The following ACSM4 variants were observed in gnomAD, a reference collection of about 807,000 sequenced individuals.
ACSM4 encodes acyl-CoA synthetase medium chain family member 4.
In ACSM4, 66 loss-of-function variants were observed where a neutral mutation model predicts 73.0. That is an observed-to-expected ratio of 0.90 (90% CI 0.74 to 1.11). The LOEUF (loss-of-function observed/expected upper bound fraction) is 1.11, where lower values mean the gene tolerates loss of function less well. Ranked by LOEUF, ACSM4 falls within the 50% of genes least tolerant of loss-of-function variation. The pLI is 0.00. For missense variants in ACSM4, 645 were observed against 714.4 expected, an observed-to-expected ratio of 0.90 and a Z score of 1.11; for synonymous variants, 222 against 254.0, an observed-to-expected ratio of 0.87 and a Z score of 1.20.
Position 7,323,230 on chromosome 12 carries a change from A to G in ACSM4, c.1126-4A>G. 4 of 1,604,974 alleles carry G rather than the reference A, an allele frequency of 2.5e-6. No individual in the cohort carries two copies. Among genetic ancestry groups the G allele is most frequent in the Non-Finnish European group, 3.4e-6 (4 of 1,175,536 alleles). On this transcript the variant is annotated splice_region_variant and splice_polypyrimidine_tract_variant and intron_variant, in intron 7 of 12. Coordinates refer to ENST00000399422, the MANE Select transcript of ACSM4 (RefSeq NM_001080454.2). ...TACTTATACAAAGCTTGTCCTCTCA[A>G]TAGGGAATGATTTGTGCCAATCAGA... is the stretch of plus-strand genomic sequence containing the variant.
chr12:7,322,470 C>A lies in ACSM4; in HGVS notation c.1054C>A (p.Pro352Thr), dbSNP rs1483427558. The change falls in exon 7 of 13, where the codon CCA becomes ACA. Residue 352 changes from proline (P) to threonine (T), a missense_variant. Physicochemically the swap from Pro to Thr is conservative, Grantham distance 38 (BLOSUM62 -1). Coordinates refer to ENST00000399422, the MANE Select transcript of ACSM4 (RefSeq NM_001080454.2). Reference protein sequence around the residue: ...HCLTGGEPLNPEVLEQWRVQT... With the variant: ...HCLTGGEPLNTEVLEQWRVQT... The stretch of plus-strand genomic sequence containing the variant: ...CTTGACCGGAGGGGAGCCACTCAAC[C>A]CAGAAGTGCTGGAGCAGTGGAGGGT... 4 of 1,613,764 alleles carry A rather than the reference C, an allele frequency of 2.5e-6. No individual in the cohort carries two copies. The highest frequency in any genetic ancestry group is 3.4e-6 in the Non-Finnish European group (4 of 1,179,854).
At chr12:7,320,668 C>G in intron 5 of ACSM4, 57 bp from the exon 6 acceptor site, 8 of 1,413,000 alleles carry the variant, frequency 5.7e-6, no homozygotes, top group Admixed American at 1.8e-5. Context: ...GATATCAGCT[C>G]TAGTCATGGC....
At chr12:7,311,680 T>TTTG (rs1000182068) in intron 3 of ACSM4, among the ~76,000 whole-genome samples, 9 of 152,080 alleles carry the variant, frequency 5.9e-5, no homozygotes, top group East Asian at 3.9e-4. Flanking sequence ...TGCCACCTTT[T>TTTG]TTGTTGTTGT....
intron 2 of ACSM4, among the ~76,000 whole-genome samples, chr12:7,309,074 C>T (rs911544771): frequency 6.6e-6 from 1 of 152,180 alleles, no homozygotes; most frequent in Admixed American, 6.5e-5. Flanking sequence ...CTTCTTGTTC[C>T]CAATAATTCA....
chr12:7,308,710 A>G (rs1565751811), intron 2 of ACSM4, among the ~76,000 whole-genome samples: 1 of 152,206 alleles, frequency 6.6e-6, no homozygotes, highest in Non-Finnish European at 1.5e-5. Flanking sequence ...TTTCTTAATC[A>G]ACTTCCTTAT....
rs756640928 is a variant in ACSM4, at chr12:7,324,594, G to C, written c.1532G>C (p.Gly511Ala). 1 of 1,613,838 alleles carries C rather than the reference G, an allele frequency of 6.2e-7. No individual in the cohort carries two copies. The highest frequency in any genetic ancestry group is 8.5e-7 in the Non-Finnish European group (1 of 1,179,778). Residue 511 changes from glycine (G) to alanine (A), a missense_variant, in exon 11 of 13, where the codon GGA becomes GCA. Transcript: ENST00000399422. ...AVVSSPDQIR[G>A]EVVKAFVVLA... is the part of the protein sequence containing the mutation. ...GTCAGTAGTCCAGATCAAATCCGCG[G>C]AGAGGTAGATGAATGTCATTTATTA... is the stretch of plus-strand genomic sequence containing the variant.
chr12:7,304,188 C>T lies in ACSM4; in HGVS notation c.-144C>T, dbSNP rs776893267. 2 of 847,248 alleles carry T rather than the reference C, an allele frequency of 2.4e-6. No individual in the cohort carries two copies. The highest frequency in any genetic ancestry group is 2.5e-5 in the East Asian group (1 of 40,390). The allele number at this position is 847,248 out of a possible 1,614,324, so 52.5% of individuals were successfully genotyped here. A position where few individuals can be genotyped will look rare whatever the true frequency, so the allele number is the denominator to read the frequency against. On this transcript the variant is annotated 5_prime_UTR_variant, in exon 1 of 13. Coordinates refer to ENST00000399422, the MANE Select transcript of ACSM4 (RefSeq NM_001080454.2). ...AGGATGAGGTGTTTTTCAGGTGTTC[C>T]CCAACTTGCCAGGGACACACAGCCA... is the stretch of plus-strand genomic sequence containing the variant.
At chr12:7,320,662 T>C in intron 5 of ACSM4, 63 bp from the exon 6 acceptor site, 1 of 1,366,452 alleles carries the variant, frequency 7.3e-7, no homozygotes, top group Non-Finnish European at 1.0e-6. Context: ...GGTGTAGATA[T>C]CAGCTCTAGT....
At position 7,324,336 on chromosome 12, in the gene ACSM4, G is replaced by A. The variant is rs1354159313; in HGVS notation, c.1372G>A (p.Val458Met). 2 of 1,614,046 alleles carry A rather than the reference G, an allele frequency of 1.2e-6. No individual in the cohort carries two copies. The highest frequency in any genetic ancestry group is 1.7e-6 in the Non-Finnish European group (2 of 1,179,944). The change falls in exon 10 of 13, where the codon GTG becomes ATG. Residue 458 changes from valine (V) to methionine (M), a missense_variant. Physicochemically the swap from Val to Met is conservative, Grantham distance 21. Transcript: ENST00000399422. ...GDFYVTGDRG[V>M]MDSDGYFWFV... is the part of the protein sequence containing the mutation. ...TTTTTATGTCACTGGAGACAGAGGA[G>A]TGATGGACAGTGATGGGTATTTCTG...
At chr12:7,323,374 C>G in intron 8 of ACSM4, 60 bp downstream of exon 8, 1 of 1,590,086 alleles carries the variant, frequency 6.3e-7, no homozygotes, top group Non-Finnish European at 8.6e-7. Flanking sequence ...TCCTTTTCTG[C>G]TATTCATTGC....
rs756288700 is a variant in ACSM4 at position 7,306,711 on chromosome 12, G to C, written c.380G>C (p.Trp127Ser). 11 of 1,611,368 alleles carry C rather than the reference G, an allele frequency of 6.8e-6. No homozygotes were observed. Among genetic ancestry groups the C allele is most frequent in the Non-Finnish European group, 9.3e-6 (11 of 1,178,904 alleles). The change falls in exon 2 of 13, where the codon TGG (tryptophan) becomes TCG (serine). Residue 127 changes from tryptophan to serine, a missense_variant. Coordinates refer to ENST00000399422, the MANE Select transcript of ACSM4 (RefSeq NM_001080454.2). ...GTGATTCTGCCCAGAATCCCTGAGTGGTGGCTGGTCAATGTAGCTTGCATA... is the reference window on the plus strand; with the variant it reads ...GTGATTCTGCCCAGAATCCCTGAGTCGTGGCTGGTCAATGTAGCTTGCATA... ...LAVILPRIPE[W>S]WLVNVACIRT... is the part of the protein sequence containing the mutation.
intron 12 of ACSM4, among the ~76,000 whole-genome samples, chr12:7,327,531 A>G (rs766723410): frequency 2.6e-5 from 4 of 152,208 alleles, no homozygotes; most frequent in Non-Finnish European, 5.9e-5. Flanking sequence ...CAAAGAAACT[A>G]TGGAATCTTT....
rs765043832 is a variant in ACSM4, at chr12:7,304,436, T to G, written c.105T>G (p.Leu35=). ...ACCAGCTTTGGACGCCTCTGACTCT[T>G]GCTGACTTTGAAGCCATAAATCGCT... ...KDHQLWTPLT[L]ADFEAINRCN... Residue 35 remains leucine (L), a synonymous_variant, in exon 1 of 13, where the codon CTT becomes CTG. Coordinates refer to ENST00000399422, the MANE Select transcript of ACSM4 (RefSeq NM_001080454.2). 54 of 1,613,884 alleles carry G rather than the reference T, an allele frequency of 3.3e-5. No individual in the cohort carries two copies. Among genetic ancestry groups the G allele is most frequent in the Admixed American group, 8.3e-5 (5 of 60,012 alleles).
Position 7,304,485 on chromosome 12 carries a change from T to A in ACSM4, c.154T>A (p.Phe52Ile), listed in dbSNP as rs775842343. 6.2e-7 allele frequency: 1 copy of A among 1,613,824 alleles called. No homozygotes were observed. Among genetic ancestry groups the A allele is most frequent in the Non-Finnish European group, 8.5e-7 (1 of 1,179,882 alleles). Reference protein sequence around the residue: ...NRCNRPLPKNFNFAADVLDQW... With the variant: ...NRCNRPLPKNINFAADVLDQW... The stretch of plus-strand genomic sequence containing the variant: ...CTGTAACAGGCCATTGCCTAAAAAC[T>A]TTAACTTTGCTGCAGATGTGCTGGA... The change falls in exon 1 of 13, where the codon TTT (phenylalanine) becomes ATT (isoleucine). Residue 52 changes from phenylalanine to isoleucine, a missense_variant. Coordinates refer to ENST00000399422, the MANE Select transcript of ACSM4 (RefSeq NM_001080454.2).
Position 7,328,573 on chromosome 12 carries a change from A to AT in ACSM4, c.*201dup. Reference sequence around the variant, plus strand: ...CAAAAACGTATGGATGAAAATTGTTATAATGACCAAACTGACAAAGGTAAT... The same window carrying AT: ...CAAAAACGTATGGATGAAAATTGTTATTAATGACCAAACTGACAAAGGTAAT... On this transcript the variant is annotated 3_prime_UTR_variant, in exon 13 of 13. Coordinates refer to ENST00000399422, the MANE Select transcript of ACSM4 (RefSeq NM_001080454.2). The AT allele has an allele frequency of 2.9e-6, 1 of 348,472 alleles. No individual in the cohort carries two copies. Among genetic ancestry groups the AT allele is most frequent in the South Asian group, 3.3e-5 (1 of 30,720 alleles). The allele number at this position is 348,472 out of a possible 1,614,324, so 21.6% of individuals were successfully genotyped here.
Position 7,318,038 on chromosome 12 carries a change from C to G in ACSM4, c.777C>G (p.Asp259Glu), listed in dbSNP as rs1487088229. Residue 259 changes from aspartate (D) to glutamate (E), a missense_variant, in exon 5 of 13, where the codon GAC (aspartate) becomes GAG (glutamate). Asp to Glu is a conservative substitution (Grantham distance 45, BLOSUM62 2). Coordinates refer to ENST00000399422, the MANE Select transcript of ACSM4 (RefSeq NM_001080454.2). ...TCATATCATTTAGGTATTGGCTGGA[C>G]TTGAAGTCCTCAGATATCATATGGA... ...GFTLCGRYWL[D>E]LKSSDIIWNM... 1.9e-6 allele frequency: 3 copies of G among 1,613,354 alleles called. No individual in the cohort carries two copies. The highest frequency in any genetic ancestry group is 2.2e-5 in the South Asian group (2 of 90,994).
intron 9 of ACSM4, 62 bp downstream of exon 9, chr12:7,323,622 C>T: frequency 1.4e-6 from 2 of 1,427,614 alleles, no homozygotes; most frequent in Admixed American, 3.6e-5. Flanking sequence ...TTCATTTCCA[C>T]CGTGTCTTGC....
chr12:7,319,138 G>A (rs911877823), intron 5 of ACSM4, among the ~76,000 whole-genome samples: 1 of 152,190 alleles, frequency 6.6e-6, no homozygotes, highest in Admixed American at 6.5e-5. Context: ...CCATCTGGGG[G>A]TGATGGGAGA....
chr12:7,328,684 C>G lies in ACSM4; in HGVS notation c.*311C>G. ...GCACATTGAATCTGTATTTCATTTACCTTGTGCCTGATTGATTCAAAATAA... is the reference window on the plus strand; with the variant it reads ...GCACATTGAATCTGTATTTCATTTAGCTTGTGCCTGATTGATTCAAAATAA... On this transcript the variant is annotated 3_prime_UTR_variant, in exon 13 of 13. Transcript: ENST00000399422. 5.8e-6 allele frequency: 1 copy of G among 171,738 alleles called. No individual in the cohort carries two copies. Among genetic ancestry groups the G allele is most frequent in the East Asian group, 1.7e-4 (1 of 5,858 alleles). 10.6% of individuals were successfully genotyped at this position (171,738 alleles called of 1,614,324 possible).
Sources: allele counts gnomAD v4.1 joint callset (sites outside exome capture counted in the v4.1 genomes callset), GRCh38; gene constraint gnomAD v4.1.1; transcripts MANE v1.5; gene names NCBI Gene and HGNC (gene_info 2026-07-23, HGNC 2026-07-21).